Variants in FRAS1 observed in about 807,000 individuals in gnomAD.
The protein encoded by FRAS1 is extracellular matrix organizing protein FRAS1.
FRAS1 carries 290 observed loss-of-function variants against 435.2 expected under a neutral mutation model. The observed-to-expected ratio is 0.67, with a 90% CI of 0.61 to 0.73. FRAS1 has a LOEUF of 0.73. FRAS1 is among the 30% of genes least tolerant of loss of function. The pLI is 0.00. For synonymous variants in FRAS1, 1,800 were observed against 1,851.0 expected, an observed-to-expected ratio of 0.97 and a Z score of 0.71; for missense variants, 4,860 against 5,001.5, an observed-to-expected ratio of 0.97 and a Z score of 0.85.
At chr4:78,438,426 A>G (rs935379609) in intron 38 of FRAS1, 144 bp from the exon 39 acceptor site, 2 of 774,674 alleles carry the variant, frequency 2.6e-6, no homozygotes, top group African/African-American at 3.6e-5. Context: ...GTAGTTTGAA[A>G]TACAAAGAGA....
At chr4:78,382,984 T>C (rs1218257171) in intron 27 of FRAS1, among the ~76,000 whole-genome samples, 1 of 152,248 alleles carries the variant, frequency 6.6e-6, no homozygotes, top group Non-Finnish European at 1.5e-5. Context: ...GTTCCAAGAA[T>C]AACTTCTAAA....
intron 2 of FRAS1, among the ~76,000 whole-genome samples, chr4:78,095,093 A>G (rs1292081811): frequency 6.6e-6 from 1 of 152,250 alleles, no homozygotes; most frequent in Non-Finnish European, 1.5e-5. Context: ...AAAGCAATGT[A>G]ATATCAGTAA....
chr4:78,483,640 C>CA (rs1720078074), intron 58 of FRAS1, among the ~76,000 whole-genome samples: 1 of 151,236 alleles, frequency 6.6e-6, no homozygotes, highest in African/African-American at 2.4e-5. Context: ...ATTCAAATGG[C>CA]AAAAAGCGTA....
chr4:78,222,442 C>T (rs1219264237), intron 2 of FRAS1, among the ~76,000 whole-genome samples: 5 of 152,142 alleles, frequency 3.3e-5, no homozygotes, highest in Admixed American at 6.5e-5. Flanking sequence ...TTGCACACAG[C>T]GACTTCTCCG....
chr4:78,245,139 T>C (rs1355639682), intron 3 of FRAS1, 94 bp from the exon 4 acceptor site: 13 of 836,558 alleles, frequency 1.6e-5, no homozygotes, highest in Non-Finnish European at 2.6e-5. Context: ...ACGCATGAGA[T>C]TTAGTGAATG....
intron 29 of FRAS1, among the ~76,000 whole-genome samples, chr4:78,388,346 A>C (rs991769679): frequency 2.0e-5 from 3 of 151,058 alleles, no homozygotes; most frequent in South Asian, 2.1e-4. Flanking sequence ...AAAAAAAAAA[A>C]CAAAAAAAAC....
chr4:78,544,179 A>G lies in FRAS1; in HGVS notation c.*3055A>G, dbSNP rs1233457357. On this transcript the variant is annotated 3_prime_UTR_variant, in exon 74 of 74. Coordinates refer to ENST00000512123, the MANE Select transcript of FRAS1 (RefSeq NM_025074.7). ...CTCTCAAATGATTTTTGTATTTCCA[A>G]TATGAATTTGTGTGTTATGAATTTC... 5 of 152,662 alleles carry G rather than the reference A, an allele frequency of 3.3e-5. No individual in the cohort carries two copies. Among genetic ancestry groups the G allele is most frequent in the Non-Finnish European group, 7.3e-5 (5 of 68,044 alleles). 9.5% of individuals were successfully genotyped at this position (152,662 alleles called of 1,614,324 possible). A position where few individuals can be genotyped will look rare whatever the true frequency, so the allele number is the denominator to read the frequency against.
intron 2 of FRAS1, among the ~76,000 whole-genome samples, chr4:78,069,032 A>T (rs1256896037): frequency 6.6e-6 from 1 of 152,254 alleles, no homozygotes; most frequent in Non-Finnish European, 1.5e-5. Flanking sequence ...TTCTCTGATT[A>T]TACAACTTTT....
intron 2 of FRAS1, among the ~76,000 whole-genome samples, chr4:78,078,337 T>TTGTC (rs1241819507): frequency 6.6e-6 from 1 of 152,196 alleles, no homozygotes; most frequent in East Asian, 1.9e-4. Context: ...AAAAGCATGT[T>TTGTC]TGTCTATACA....
At chr4:78,296,045 A>G (rs1728131830) in intron 14 of FRAS1, among the ~76,000 whole-genome samples, 1 of 149,606 alleles carries the variant, frequency 6.7e-6, no homozygotes, top group Non-Finnish European at 1.5e-5. Flanking sequence ...AAGCCACCAA[A>G]CTCAGCCAGA....
rs1175947357 is a variant in FRAS1 at position 78,303,730 on chromosome 4, G to A, written c.1535-4336G>A. 1.3e-4 allele frequency among the ~76,000 whole-genome samples: 20 copies of A among 149,800 alleles called. No homozygotes were observed. The East Asian group carries it at 2.9e-3, about 22-fold the overall frequency. ...TGTATCCTGAGACTTTGCTGAAGTT[G>A]CTTATCAGCCTAAGGAGATTTTGGG... On this transcript the variant is annotated intron_variant, in intron 14 of 73. Coordinates refer to ENST00000512123, the MANE Select transcript of FRAS1 (RefSeq NM_025074.7).
At chr4:78,086,548 A>C (rs1741180953) in intron 2 of FRAS1, among the ~76,000 whole-genome samples, 1 of 152,162 alleles carries the variant, frequency 6.6e-6, no homozygotes, top group Non-Finnish European at 1.5e-5. Flanking sequence ...TAAAGAAGAA[A>C]AGAGAGAAGA....
Position 78,388,639 on chromosome 4 carries a change from GTT to G in FRAS1, c.3975+953_3975+954del, listed in dbSNP as rs5859620. 1.5e-3 allele frequency among the ~76,000 whole-genome samples: 219 copies of G among 144,798 alleles called. 1 individual carries two copies. In the Middle Eastern group the frequency reaches 0.033, roughly 22 times the overall value. The allele number at this position is 144,798 out of a possible 152,430, so 95.0% of individuals were successfully genotyped here. A position where few individuals can be genotyped will look rare whatever the true frequency, so the allele number is the denominator to read the frequency against. On this transcript the variant is annotated intron_variant, in intron 29 of 73. Coordinates refer to ENST00000512123, the MANE Select transcript of FRAS1 (RefSeq NM_025074.7). The stretch of plus-strand genomic sequence containing the variant: ...GTGGAGAAATCTTGTCTCTACTAAA[GTT>G]TTTTTTTTTTTTTTAAATTAGCTGG...
intron 2 of FRAS1, among the ~76,000 whole-genome samples, chr4:78,129,163 T>C (rs1719551183): frequency 6.6e-6 from 1 of 152,248 alleles, no homozygotes; most frequent in African/African-American, 2.4e-5. Flanking sequence ...TGTAGCCTTG[T>C]AGAATAGTTT....
chr4:78,225,837 C>T (rs1013010879), intron 2 of FRAS1, among the ~76,000 whole-genome samples: 3 of 152,072 alleles, frequency 2.0e-5, no homozygotes, highest in African/African-American at 2.4e-5. Flanking sequence ...TTATTGGATC[C>T]ACTGCTTTGC....
chr4:78,469,468 A>G (rs1438115203), intron 50 of FRAS1, among the ~76,000 whole-genome samples: 1 of 152,164 alleles, frequency 6.6e-6, no homozygotes, highest in Non-Finnish European at 1.5e-5. Flanking sequence ...AAAACAGACA[A>G]CAACAATGGG....
At chr4:78,326,399 A>T (rs7656172) in intron 18 of FRAS1, among the ~76,000 whole-genome samples, 1 of 152,032 alleles carries the variant, frequency 6.6e-6, no homozygotes, top group African/African-American at 2.4e-5. Context: ...TGAAAGGTGG[A>T]GCTACCAAGT....
chr4:78,466,276 G>T lies in FRAS1; in HGVS notation c.7098G>T (p.Gly2366=). The T allele has an allele frequency of 6.2e-7, 1 of 1,613,886 alleles. No individual in the cohort carries two copies. Among genetic ancestry groups the T allele is most frequent in the Non-Finnish European group, 8.5e-7 (1 of 1,179,838 alleles). The change falls in exon 50 of 74, where the codon GGG becomes GGT. Residue 2366 remains glycine (G), a synonymous_variant. Coordinates refer to ENST00000512123, the MANE Select transcript of FRAS1 (RefSeq NM_025074.7). ...RHGTIERTSN[G]QHFHLTSTFT... ...GCACCATCGAGCGAACCAGCAATGG[G>T]CAGCATTTCCACCTCACCTCCACCT...
At chr4:78,129,236 G>A (rs921855359) in intron 2 of FRAS1, among the ~76,000 whole-genome samples, 13 of 152,240 alleles carry the variant, frequency 8.5e-5, no homozygotes, top group Middle Eastern at 3.4e-3. Context: ...TTGGCGATGT[G>A]GGCTCTTTTT....
Sources: gnomAD v4.1 joint callset for allele counts (sites outside exome capture counted in the v4.1 genomes callset) on GRCh38, gnomAD v4.1.1 for gene constraint, MANE v1.5 for transcripts, NCBI Gene and HGNC (gene_info 2026-07-23, HGNC 2026-07-21) for gene names.